The following SGCZ variants were observed in gnomAD, a reference collection of about 807,000 sequenced individuals.
SGCZ encodes zeta-sarcoglycan.
A neutral mutation model predicts 41.3 loss-of-function variants in SGCZ; 40 were observed. That is an observed-to-expected ratio of 0.97 (90% CI 0.75 to 1.26). SGCZ has a LOEUF of 1.26. SGCZ is among the 50% of genes most tolerant of loss of function. The pLI is 0.00. For synonymous variants in SGCZ, 206 were observed against 137.5 expected (o/e 1.50, Z -3.49); for missense variants, 552 against 369.8 (o/e 1.49, Z -4.04).
At chr8:14,703,399 T>G (rs1413879019) in intron 1 of SGCZ, among the ~76,000 whole-genome samples, 1 of 151,944 alleles carries the variant, frequency 6.6e-6, no homozygotes, top group East Asian at 1.9e-4. Flanking sequence ...GACTTAGTCT[T>G]TTTATTAGAA....
chr8:14,176,322 T>C (rs753135907), intron 4 of SGCZ, among the ~76,000 whole-genome samples: 11 of 152,210 alleles, frequency 7.2e-5, no homozygotes, highest in Non-Finnish European at 1.3e-4. Context: ...ACTTTTTATC[T>C]GGCCACAGCA....
chr8:14,619,492 A>C (rs1290950052), intron 1 of SGCZ, among the ~76,000 whole-genome samples: 14 of 152,186 alleles, frequency 9.2e-5, no homozygotes, highest in Admixed American at 3.9e-4. Context: ...GAAAAGAAGA[A>C]GTCAAACTGT....
chr8:15,215,956 G>A (rs981483994), intron 1 of SGCZ, among the ~76,000 whole-genome samples: 5 of 152,258 alleles, frequency 3.3e-5, no homozygotes, highest in African/African-American at 9.6e-5. Context: ...AATATTGGAA[G>A]TACATCCTTG....
intron 1 of SGCZ, among the ~76,000 whole-genome samples, chr8:14,712,783 G>C (rs76034301): frequency 0.033 from 4,956 of 152,182 alleles, 274 homozygotes; most frequent in African/African-American, 0.11. Context: ...GTAAACTCTA[G>C]TAACCCTGTT....
intron 1 of SGCZ, among the ~76,000 whole-genome samples, chr8:14,921,037 G>A (rs980879960): frequency 7.2e-5 from 11 of 152,150 alleles, no homozygotes; most frequent in Non-Finnish European, 1.0e-4. Context: ...TGGATTTAGG[G>A]TAAAAAGGTC....
intron 1 of SGCZ, chr8:14,853,660 G>C (rs1435661993): frequency 3.2e-6 from 1 of 314,558 alleles, no homozygotes; most frequent in South Asian, 2.4e-5. Flanking sequence ...ATCAATCATT[G>C]GCAGTTCCTA....
intron 1 of SGCZ, among the ~76,000 whole-genome samples, chr8:14,743,354 A>T (rs1399861477): frequency 6.6e-6 from 1 of 152,104 alleles, no homozygotes; most frequent in Non-Finnish European, 1.5e-5. Context: ...ATATTGCTTA[A>T]GACTGCTCAT....
At chr8:14,099,462 C>G (rs1306209689) in intron 7 of SGCZ, among the ~76,000 whole-genome samples, 1 of 152,154 alleles carries the variant, frequency 6.6e-6, no homozygotes, top group Non-Finnish European at 1.5e-5. Context: ...TGCGGTGGCT[C>G]ACGCCTGTAA....
chr8:15,157,613 T>C (rs1361888709), intron 1 of SGCZ, among the ~76,000 whole-genome samples: 1 of 152,202 alleles, frequency 6.6e-6, no homozygotes, highest in East Asian at 1.9e-4. Flanking sequence ...GTCCTGGTTC[T>C]ACTAGGCTTA....
In SGCZ at chr8:14,525,980, GA is replaced by G. The variant is rs1033060905; in HGVS notation, c.234+28751del. ...ATAGTCTAAGCAAACCTTCAGTTAA[GA>G]AAAAAAAAAGCAGTAGTAGTATTAG... On this transcript the variant is annotated intron_variant, in intron 2 of 7. Coordinates refer to ENST00000382080, the MANE Select transcript of SGCZ (RefSeq NM_139167.4). Among the ~76,000 whole-genome samples the G allele has an allele frequency of 7.4e-4, 109 of 146,638 alleles. No homozygotes were observed. In the East Asian group the frequency reaches 8.3e-3, roughly 11 times the overall value.
intron 1 of SGCZ, among the ~76,000 whole-genome samples, chr8:15,236,192 C>G (rs954839112): frequency 2.6e-5 from 4 of 152,180 alleles, no homozygotes; most frequent in African/African-American, 9.7e-5. Context: ...TGGACTGCAT[C>G]TACAGTCAGT....
intron 1 of SGCZ, among the ~76,000 whole-genome samples, chr8:14,841,535 G>T (rs73535046): frequency 0.016 from 2,477 of 152,194 alleles, 75 homozygotes; most frequent in African/African-American, 0.056. Context: ...AATAGCTTGG[G>T]ATAATTTTAA....
chr8:14,704,244 G>A lies in SGCZ; in HGVS notation c.40-149318C>T, dbSNP rs192765923. Among the ~76,000 whole-genome samples, 536 of 152,016 alleles carry A rather than the reference G, an allele frequency of 3.5e-3. 3 individuals carry two copies. Among genetic ancestry groups the A allele is most frequent in the Non-Finnish European group, 5.2e-3 (351 of 67,916 alleles). ...TAATAATAGCAGTAACTCTTGCCAAGACCTATGTTGAGTGTTCAAAATGCT... is the reference window on the plus strand; with the variant it reads ...TAATAATAGCAGTAACTCTTGCCAAAACCTATGTTGAGTGTTCAAAATGCT... On this transcript the variant is annotated intron_variant, in intron 1 of 7. Transcript: ENST00000382080.
intron 1 of SGCZ, among the ~76,000 whole-genome samples, chr8:15,215,811 C>T (rs1225179207): frequency 6.6e-6 from 1 of 152,084 alleles, no homozygotes; most frequent in Non-Finnish European, 1.5e-5. Context: ...AATAGACTGA[C>T]AAAACATATT....
At chr8:14,607,978 T>C (rs185890161) in intron 1 of SGCZ, among the ~76,000 whole-genome samples, 20 of 152,306 alleles carry the variant, frequency 1.3e-4, no homozygotes, top group Admixed American at 9.8e-4. Flanking sequence ...TATTTGAAAG[T>C]TTCTAATGAA....
At chr8:14,706,960 T>C (rs916174894) in intron 1 of SGCZ, among the ~76,000 whole-genome samples, 2 of 151,616 alleles carry the variant, frequency 1.3e-5, no homozygotes, top group Non-Finnish European at 2.9e-5. Context: ...TACAAAACTT[T>C]ATGTTGTCAT....
At chr8:14,123,741 C>A (rs1165592130) in intron 5 of SGCZ, among the ~76,000 whole-genome samples, 1 of 152,146 alleles carries the variant, frequency 6.6e-6, no homozygotes, top group Non-Finnish European at 1.5e-5. Flanking sequence ...ATCGTGATCT[C>A]CCCTGCCCTC....
chr8:15,071,501 C>A (rs1335028514), intron 1 of SGCZ, among the ~76,000 whole-genome samples: 1 of 152,114 alleles, frequency 6.6e-6, no homozygotes, highest in African/African-American at 2.4e-5. Flanking sequence ...TTTGTCCTGC[C>A]TACTTCACAG....
Position 14,534,151 on chromosome 8 carries a change from T to A in SGCZ, c.234+20581A>T, listed in dbSNP as rs961401667. On this transcript the variant is annotated intron_variant, in intron 2 of 7. Transcript: ENST00000382080. ...TTGGAGTTGGAAACTGGAGCTGAAGTGTTGAGGCCAGAGAAGTTTTAAGAT... is the reference window on the plus strand; with the variant it reads ...TTGGAGTTGGAAACTGGAGCTGAAGAGTTGAGGCCAGAGAAGTTTTAAGAT... 2.0e-5 allele frequency among the ~76,000 whole-genome samples: 3 copies of A among 151,932 alleles called. No homozygotes were observed. In the East Asian group the frequency reaches 5.9e-4, roughly 30 times the overall value.
Sources: gnomAD v4.1 joint callset for allele counts (sites outside exome capture counted in the v4.1 genomes callset) on GRCh38, gnomAD v4.1.1 for gene constraint, MANE v1.5 for transcripts, NCBI Gene and HGNC (gene_info 2026-07-23, HGNC 2026-07-21) for gene names.